Variants in KCNA6 observed in about 807,000 individuals in gnomAD.
KCNA6 encodes the protein potassium voltage-gated channel subfamily A member 6, also known as human brain potassium channel-2.
Under a neutral mutation model 29.5 loss-of-function variants are expected in KCNA6, and 17 were observed. That is an observed-to-expected ratio of 0.58 (90% CI 0.39 to 0.86). The LOEUF is 0.86. Among genes scored for constraint, KCNA6 ranks in the 40% least tolerant of loss-of-function variants. The pLI is 0.00. For synonymous variants in KCNA6, 296 were observed against 304.7 expected, an observed-to-expected ratio of 0.97 and a Z score of 0.30; for missense variants, 450 against 703.4, an observed-to-expected ratio of 0.64 and a Z score of 4.07.
At chr12:4,823,728 C>T in the KCNA6 span, among the ~76,000 whole-genome samples, 1 of 152,186 alleles carries the variant, frequency 6.6e-6, no homozygotes, top group East Asian at 1.9e-4. Flanking sequence ...GACTGCGCCA[C>T]TGCACTCCTG....
At chr12:4,815,411 T>A (rs755269524), downstream of KCNA6, among the ~76,000 whole-genome samples, 4 of 152,154 alleles carry the variant, frequency 2.6e-5, no homozygotes, top group Non-Finnish European at 5.9e-5. Flanking sequence ...TCCCAGAAAT[T>A]TCCTGAACCT....
rs182917185 is a variant in KCNA6 at position 4,809,788 on chromosome 12, C to G, written c.-254C>G. 77 of 457,442 alleles carry G rather than the reference C, an allele frequency of 1.7e-4. No homozygotes were observed. The East Asian group carries it at 2.6e-3, about 15-fold the overall frequency. 28.3% of individuals were successfully genotyped at this position (457,442 alleles called of 1,614,324 possible). On this transcript the variant is annotated 5_prime_UTR_variant, in exon 1 of 1. Coordinates refer to ENST00000280684, the Ensembl canonical transcript of KCNA6. Reference sequence around the variant, plus strand: ...GCGGTTCCGGGCATCCCAGTAAGCTCTAGCACCCGGGCGCGGGTAACGGGA... The same window carrying G: ...GCGGTTCCGGGCATCCCAGTAAGCTGTAGCACCCGGGCGCGGGTAACGGGA...
chr12:4,840,376 A>G, the KCNA6 span, among the ~76,000 whole-genome samples: 28 of 152,206 alleles, frequency 1.8e-4, no homozygotes, highest in Non-Finnish European at 4.0e-4. Flanking sequence ...CAATAAGCAC[A>G]TGAAAAAAGC....
At chr12:4,843,948 A>T in the KCNA6 span, among the ~76,000 whole-genome samples, 3 of 152,060 alleles carry the variant, frequency 2.0e-5, no homozygotes, top group Non-Finnish European at 2.9e-5. Context: ...CAGATCCAAA[A>T]CCATATCAAT....
the KCNA6 span, among the ~76,000 whole-genome samples, chr12:4,843,036 G>A: frequency 6.6e-6 from 1 of 152,058 alleles, no homozygotes; most frequent in South Asian, 2.1e-4. Flanking sequence ...GGAGGTGGTG[G>A]GATAGACAGA....
rs1239473214 is a variant in KCNA6 at position 4,810,808 on chromosome 12, G to A, written c.767G>A (p.Gly256Asp). The change falls in exon 1 of 1, where the codon GGC becomes GAC. Residue 256 changes from glycine to aspartate, a missense_variant. Physicochemically the swap from Gly to Asp is moderately conservative, Grantham distance 94 (BLOSUM62 -1). Transcript: ENST00000280684. The surrounding 1 kb of genome is among the most constrained non-coding windows in gnomAD (Gnocchi z 7.5). ...TCCTCCTCACTCAGTACTCTTGGGG[G>A]CTCCTTCTTTACAGACCCCTTCTTT... 4 of 1,591,198 alleles carry A rather than the reference G, an allele frequency of 2.5e-6. No homozygotes were observed. The highest frequency in any genetic ancestry group is 1.2e-5 in the South Asian group (1 of 85,512).
chr12:4,829,713 A>G, the KCNA6 span, among the ~76,000 whole-genome samples: 5 of 152,192 alleles, frequency 3.3e-5, no homozygotes, highest in South Asian at 1.0e-3. Context: ...AAAAAAAAAA[A>G]AGTCTCTAGA....
the KCNA6 span, among the ~76,000 whole-genome samples, chr12:4,823,168 G>A: frequency 6.6e-6 from 1 of 151,934 alleles, no homozygotes; most frequent in Non-Finnish European, 1.5e-5. Flanking sequence ...GTTGTTTTGT[G>A]TATGTATAAT....
chr12:4,838,332 G>A, the KCNA6 span, among the ~76,000 whole-genome samples: 1 of 152,182 alleles, frequency 6.6e-6, no homozygotes, highest in Non-Finnish European at 1.5e-5. Context: ...GCAGCCTCGT[G>A]GCTCCTGGCT....
the KCNA6 span, among the ~76,000 whole-genome samples, chr12:4,842,046 TG>T: frequency 7.3e-5 from 11 of 151,226 alleles, no homozygotes; most frequent in African/African-American, 2.7e-4. Flanking sequence ...TGTGTGTGTG[TG>T]TGTGTGTGTG....
chr12:4,827,184 C>CCCTCCTTCCTTCCTT, the KCNA6 span, among the ~76,000 whole-genome samples: 3,434 of 107,776 alleles, frequency 0.032, 131 homozygotes, highest in South Asian at 0.061. Context: ...TTCCTTCCTT[C>CCCTCCTTCCTTCCTT]CCTCCTTCCT....
downstream of KCNA6, among the ~76,000 whole-genome samples, chr12:4,816,471 G>A (rs1426553805): frequency 6.6e-6 from 1 of 151,912 alleles, no homozygotes; most frequent in Admixed American, 6.6e-5. Flanking sequence ...CAGGACTACG[G>A]TCTTGAGCTT....
At chr12:4,821,755 C>T in the KCNA6 span, among the ~76,000 whole-genome samples, 2 of 152,186 alleles carry the variant, frequency 1.3e-5, no homozygotes, top group Non-Finnish European at 2.9e-5. Context: ...TGAGGGACAG[C>T]GGCCCCCTGC....
chr12:4,834,219 G>T, the KCNA6 span, among the ~76,000 whole-genome samples: 1 of 152,122 alleles, frequency 6.6e-6, no homozygotes, highest in Non-Finnish European at 1.5e-5. Flanking sequence ...ACAGGTGTGA[G>T]CCACCATGCC....
At chr12:4,821,104 T>C in the KCNA6 span, among the ~76,000 whole-genome samples, 4 of 152,040 alleles carry the variant, frequency 2.6e-5, no homozygotes, top group South Asian at 2.1e-4. Flanking sequence ...GTTGCCCCGA[T>C]AGAGAAAGAG....
At chr12:4,821,129 T>C in the KCNA6 span, among the ~76,000 whole-genome samples, 13 of 152,290 alleles carry the variant, frequency 8.5e-5, no homozygotes, top group Non-Finnish European at 1.8e-4. Flanking sequence ...GACTGTCAGT[T>C]ACAGAGATCT....
At chr12:4,814,032 C>T (rs1293203409), downstream of KCNA6, 2 of 167,044 alleles carry the variant, frequency 1.2e-5, no homozygotes, top group Non-Finnish European at 2.9e-5. This position sits in a 1 kb window ranked among gnomAD's most constrained non-coding sequence, Gnocchi z 4.6. Flanking sequence ...CCCAGCTTCT[C>T]AAATGGGAGC....
chr12:4,835,134 A>ATTTTTTTTT, the KCNA6 span, among the ~76,000 whole-genome samples: 463 of 136,250 alleles, frequency 3.4e-3, 6 homozygotes, highest in African/African-American at 0.012. Context: ...ACAGAGAATG[A>ATTTTTTTTT]TTTTTTTTTT....
chr12:4,833,577 T>G, the KCNA6 span, among the ~76,000 whole-genome samples: 4 of 152,294 alleles, frequency 2.6e-5, no homozygotes, highest in Admixed American at 6.5e-5. Flanking sequence ...ATTGGAAGCA[T>G]TTTTTGTAGT....
Sources: gnomAD v4.1 joint callset for allele counts (sites outside exome capture counted in the v4.1 genomes callset) on GRCh38, gnomAD v4.1.1 for gene constraint, Gnocchi (gnomAD v3.1) non-coding constraint, MANE v1.5 for transcripts, NCBI Gene and HGNC (gene_info 2026-07-23, HGNC 2026-07-21) for gene names.